Variants in NALF1 observed in about 807,000 individuals in gnomAD.
NALF1 encodes NALCN channel auxiliary factor 1.
Under a neutral mutation model 48.4 loss-of-function variants are expected in NALF1, and 3 were observed. The ratio of observed to expected loss-of-function variants is 0.06; its 90% CI spans 0.03 to 0.16. The LOEUF is 0.16. Among genes scored for constraint, NALF1 ranks in the 10% least tolerant of loss-of-function variants. NALF1 has a pLI of 1.00. For synonymous variants in NALF1, 262 were observed against 245.7 expected (o/e 1.07, Z -0.62); for missense variants, 526 against 571.5 (o/e 0.92, Z 0.81).
At chr13:107,664,312 A>T (rs1336238190) in intron 1 of NALF1, among the ~76,000 whole-genome samples, 9 of 152,064 alleles carry the variant, frequency 5.9e-5, no homozygotes, top group Admixed American at 5.9e-4. Flanking sequence ...GCTTCTCATC[A>T]CCTTCCATCA....
chr13:107,171,247 C>T (rs899935192), intron 2 of NALF1, among the ~76,000 whole-genome samples: 7 of 152,220 alleles, frequency 4.6e-5, no homozygotes, highest in African/African-American at 1.7e-4. Context: ...CGTTTCCTCT[C>T]AGAAGCCTCA....
intron 1 of NALF1, among the ~76,000 whole-genome samples, chr13:107,253,446 C>A (rs927057731): frequency 4.6e-5 from 7 of 152,114 alleles, no homozygotes; most frequent in African/African-American, 1.4e-4. Context: ...GACCCCTCAC[C>A]CCCAGCAGAA....
intron 2 of NALF1, among the ~76,000 whole-genome samples, chr13:107,203,607 T>TC (rs34466712): frequency 0.4 from 60,581 of 151,918 alleles, 12,232 homozygotes; most frequent in Middle Eastern, 0.49. Flanking sequence ...CTGTGCTCCA[T>TC]CCCCGTGGTG....
chr13:107,528,092 T>C (rs1015438635), intron 1 of NALF1, among the ~76,000 whole-genome samples: 16 of 152,132 alleles, frequency 1.1e-4, no homozygotes, highest in Non-Finnish European at 1.5e-4. Context: ...TATATAAACA[T>C]AAACATGCTT....
intron 2 of NALF1, among the ~76,000 whole-genome samples, chr13:107,203,630 G>A (rs1000446619): frequency 7.9e-5 from 12 of 152,120 alleles, no homozygotes; most frequent in African/African-American, 2.4e-5. Flanking sequence ...CCCTGACATC[G>A]TGATGGGCCC....
chr13:107,518,231 A>T (rs1876125676), intron 1 of NALF1, among the ~76,000 whole-genome samples: 1 of 152,204 alleles, frequency 6.6e-6, no homozygotes, highest in Non-Finnish European at 1.5e-5. Flanking sequence ...AAGAGGAAAG[A>T]GGACAGAATA....
intron 1 of NALF1, among the ~76,000 whole-genome samples, chr13:107,403,188 C>CTTTTTTTTTTTTGTTTTT: frequency 2.4e-5 from 1 of 42,476 alleles, no homozygotes; most frequent in Non-Finnish European, 4.1e-5. Context: ...CTTGTTCGGG[C>CTTTTTTTTTTTTGTTTTT]TTTTTTTTTT....
intron 1 of NALF1, among the ~76,000 whole-genome samples, chr13:107,785,108 G>A (rs1283905930): frequency 6.6e-6 from 1 of 151,446 alleles, no homozygotes; most frequent in African/African-American, 2.4e-5. Context: ...ATATATGTAT[G>A]TATATGTATA....
chr13:107,747,294 T>C (rs1876806781), intron 1 of NALF1, among the ~76,000 whole-genome samples: 1 of 152,196 alleles, frequency 6.6e-6, no homozygotes. Flanking sequence ...AGTTTTCTTC[T>C]CCATCTCTAT....
chr13:107,310,183 G>T (rs922208420), intron 1 of NALF1, among the ~76,000 whole-genome samples: 1 of 152,142 alleles, frequency 6.6e-6, no homozygotes, highest in East Asian at 1.9e-4. Context: ...GCCCAGGAAG[G>T]CGGATCACTT....
At chr13:107,421,174 C>T (rs1033251638) in intron 1 of NALF1, among the ~76,000 whole-genome samples, 3 of 152,168 alleles carry the variant, frequency 2.0e-5, no homozygotes, top group Non-Finnish European at 4.4e-5. Context: ...ATTTCACATA[C>T]ACTCACCATC....
At chr13:107,358,689 C>T (rs1883007259) in intron 1 of NALF1, among the ~76,000 whole-genome samples, 1 of 152,004 alleles carries the variant, frequency 6.6e-6, no homozygotes, top group Admixed American at 6.6e-5. Context: ...TATGGATGAC[C>T]CCTGAATCAC....
chr13:107,402,829 C>G (rs1191452348), intron 1 of NALF1, among the ~76,000 whole-genome samples: 1 of 152,118 alleles, frequency 6.6e-6, no homozygotes, highest in Non-Finnish European at 1.5e-5. Flanking sequence ...GTTCACTTAA[C>G]AGGGTGTCTG....
intron 1 of NALF1, among the ~76,000 whole-genome samples, chr13:107,820,025 C>A (rs759330708): frequency 6.6e-5 from 10 of 152,178 alleles, no homozygotes; most frequent in Non-Finnish European, 1.5e-4. Context: ...CTTCTTGCTT[C>A]AGACACTGCT....
chr13:107,356,165 T>G (rs1466921731), intron 1 of NALF1, among the ~76,000 whole-genome samples: 1 of 152,160 alleles, frequency 6.6e-6, no homozygotes, highest in Non-Finnish European at 1.5e-5. Context: ...CTTCAGAGAT[T>G]TTCTGTGAAT....
chr13:107,865,974 C>T lies in NALF1; in HGVS notation c.623G>A (p.Arg208Lys). ...GAAGGDGQEV[R>K]SKHPTPLWNL... ...CCAGAGCGGAGTGGGATGCTTGCTC[C>T]TCACCTCCTGCCCGTCCCCCCCGGC... Residue 208 changes from arginine to lysine, a missense_variant, in exon 1 of 3, where the codon AGG becomes AAG. Coordinates refer to ENST00000375915, the MANE Select transcript of NALF1 (RefSeq NM_001080396.3). 1 of 1,613,172 alleles carries T rather than the reference C, an allele frequency of 6.2e-7. No homozygotes were observed. Among genetic ancestry groups the T allele is most frequent in the Non-Finnish European group, 8.5e-7 (1 of 1,179,910 alleles).
chr13:107,171,419 C>A (rs1272608046), intron 2 of NALF1, among the ~76,000 whole-genome samples: 2 of 152,216 alleles, frequency 1.3e-5, no homozygotes, highest in African/African-American at 4.8e-5. Context: ...GCTTCATTAT[C>A]TTTTGCTGGG....
intron 1 of NALF1, among the ~76,000 whole-genome samples, chr13:107,396,675 C>T (rs938869076): frequency 3.3e-5 from 5 of 152,180 alleles, no homozygotes; most frequent in Non-Finnish European, 7.3e-5. Context: ...ACATTATTAG[C>T]ACTTACTGAA....
chr13:107,606,532 A>G (rs1403660963), intron 1 of NALF1, among the ~76,000 whole-genome samples: 1 of 151,852 alleles, frequency 6.6e-6, no homozygotes, highest in Non-Finnish European at 1.5e-5. Context: ...TGCCCAGCTA[A>G]TTTTTGTATT....
Sources: gnomAD v4.1 joint callset for allele counts (sites outside exome capture counted in the v4.1 genomes callset) on GRCh38, gnomAD v4.1.1 for gene constraint, MANE v1.5 for transcripts, NCBI Gene and HGNC (gene_info 2026-07-23, HGNC 2026-07-21) for gene names.